The following PDZD2 variants were observed in gnomAD, a reference collection of about 807,000 sequenced individuals.
PDZD2 encodes the protein PDZ domain-containing protein 2.
In PDZD2, 90 loss-of-function variants were observed where a neutral mutation model predicts 220.7. That is an observed-to-expected ratio of 0.41 (90% confidence interval 0.34 to 0.49). The LOEUF (loss-of-function observed/expected upper bound fraction) is 0.49. Ranked by LOEUF, PDZD2 falls within the 20% of genes least tolerant of loss-of-function variation. PDZD2 has a pLI of 0.28. For missense variants in PDZD2, 3,174 were observed against 3,608.5 expected, an observed-to-expected ratio of 0.88 and a Z score of 3.08; for synonymous variants, 1,375 against 1,450.5, an observed-to-expected ratio of 0.95 and a Z score of 1.18.
chr5:31,688,903 T>C (rs1746979247), intron 1 of PDZD2, among the ~76,000 whole-genome samples: 1 of 152,142 alleles, frequency 6.6e-6, no homozygotes, highest in African/African-American at 2.4e-5. Context: ...TGGGGGTAAT[T>C]AGCATTTCCC....
intron 1 of PDZD2, among the ~76,000 whole-genome samples, chr5:31,764,099 C>G (rs552437631): frequency 6.6e-6 from 1 of 152,282 alleles, no homozygotes; most frequent in African/African-American, 2.4e-5. Context: ...TCAGGAGGAA[C>G]TCGGGGACTC....
At chr5:31,773,386 C>T (rs1752448065) in intron 1 of PDZD2, among the ~76,000 whole-genome samples, 1 of 152,160 alleles carries the variant, frequency 6.6e-6, no homozygotes, top group East Asian at 1.9e-4. Context: ...TGCCTGTAAT[C>T]CCAGCCCTTT....
chr5:31,685,562 C>T (rs1258275984), intron 1 of PDZD2, among the ~76,000 whole-genome samples: 3 of 152,146 alleles, frequency 2.0e-5, no homozygotes, highest in South Asian at 2.1e-4. Flanking sequence ...CTTACTCTGT[C>T]GCCCAGGCTG....
chr5:31,978,295 A>G (rs918810726), intron 2 of PDZD2, among the ~76,000 whole-genome samples: 2 of 152,140 alleles, frequency 1.3e-5, no homozygotes, highest in African/African-American at 4.8e-5. Context: ...AATGCTGGGT[A>G]AGGATCCTAC....
At chr5:31,788,092 C>G (rs1166681974) in intron 1 of PDZD2, among the ~76,000 whole-genome samples, 2 of 152,180 alleles carry the variant, frequency 1.3e-5, no homozygotes, top group Non-Finnish European at 2.9e-5. Flanking sequence ...TCTCCCAGGC[C>G]GGGCGCCGTG....
chr5:31,830,523 T>C (rs2077354105), intron 2 of PDZD2, among the ~76,000 whole-genome samples: 1 of 151,996 alleles, frequency 6.6e-6, no homozygotes, highest in South Asian at 2.1e-4. Flanking sequence ...ATATTCAACT[T>C]TTAAAAAATT....
intron 2 of PDZD2, chr5:31,822,808 G>T: frequency 1.1e-6 from 1 of 883,610 alleles, no homozygotes; most frequent in African/African-American, 1.7e-5. Flanking sequence ...TTCAACAGAA[G>T]ACCAATTCTC....
intron 24 of PDZD2, among the ~76,000 whole-genome samples, chr5:32,105,054 A>T (rs1423665981): frequency 6.6e-6 from 1 of 152,032 alleles, no homozygotes; most frequent in African/African-American, 2.4e-5. Context: ...GAATCATTTG[A>T]GCCCAGGAGG....
rs768240824 is a variant in PDZD2 at position 32,074,204 on chromosome 5, C to G, written c.3098C>G (p.Pro1033Arg). The G allele has an allele frequency of 2.0e-5, 32 of 1,614,102 alleles. No individual in the cohort carries two copies. The highest frequency in any genetic ancestry group is 2.6e-5 in the Non-Finnish European group (31 of 1,180,062). The change falls in exon 18 of 25, where the codon CCT becomes CGT. Residue 1033 changes from proline to arginine, a missense_variant. Transcript: ENST00000438447. The part of the protein sequence containing the change: ...KTLVSKAISA[P>R]LLGSSVDLEE... ...CTGGTGAGCAAGGCCATCTCGGCAC[C>G]TCTTCTTGGTAGCTCAGTGGACTTA...
chr5:31,781,007 C>A (rs1177089478), intron 1 of PDZD2, among the ~76,000 whole-genome samples: 1 of 152,230 alleles, frequency 6.6e-6, no homozygotes, highest in East Asian at 1.9e-4. Context: ...CCTGCTCATT[C>A]CTGAAACCCT....
At chr5:31,939,809 A>G (rs543702811) in intron 2 of PDZD2, among the ~76,000 whole-genome samples, 3 of 152,336 alleles carry the variant, frequency 2.0e-5, no homozygotes, top group African/African-American at 7.2e-5. Context: ...CTGGAATCAG[A>G]CATCTATTTA....
At chr5:31,738,184 C>T (rs1750021867) in intron 1 of PDZD2, 1 of 152,206 alleles carries the variant, frequency 6.6e-6, no homozygotes, top group South Asian at 2.1e-4. Flanking sequence ...CACATGGAGT[C>T]CTCAGCTTTA....
intron 21 of PDZD2, among the ~76,000 whole-genome samples, chr5:32,095,630 C>T (rs1269438019): frequency 6.7e-6 from 1 of 150,054 alleles, no homozygotes; most frequent in Non-Finnish European, 1.5e-5. Context: ...TCTAGCATAT[C>T]TGTGTCCTTA....
At chr5:31,807,456 A>G (rs926158215) in intron 2 of PDZD2, among the ~76,000 whole-genome samples, 16 of 152,194 alleles carry the variant, frequency 1.1e-4, no homozygotes, top group African/African-American at 3.6e-4. Flanking sequence ...GTAGCTGTTC[A>G]GCCAGAGGTA....
At chr5:31,739,735 G>A (rs1444724999) in intron 1 of PDZD2, among the ~76,000 whole-genome samples, 1 of 152,136 alleles carries the variant, frequency 6.6e-6, no homozygotes, top group Non-Finnish European at 1.5e-5. Flanking sequence ...GAAGAAACAT[G>A]GATGCCCTCT....
chr5:31,739,632 G>T (rs1292874313), intron 1 of PDZD2, among the ~76,000 whole-genome samples: 2 of 152,184 alleles, frequency 1.3e-5, no homozygotes, highest in Admixed American at 1.3e-4. Flanking sequence ...AGACACTATT[G>T]TAAGCCATGA....
At chr5:32,051,292 A>G (rs1350503046) in intron 8 of PDZD2, among the ~76,000 whole-genome samples, 5 of 152,082 alleles carry the variant, frequency 3.3e-5, no homozygotes, top group Non-Finnish European at 4.4e-5. Flanking sequence ...CCAAGCCCAC[A>G]TCATTTTTTT....
chr5:31,837,606 C>T (rs1429904901), intron 2 of PDZD2, among the ~76,000 whole-genome samples: 1 of 152,116 alleles, frequency 6.6e-6, no homozygotes, highest in East Asian at 1.9e-4. Flanking sequence ...TGCCTGTAAT[C>T]CGAGCTACTC....
rs1745185233 is a variant in PDZD2, at chr5:31,647,667, G to C, written c.-361+8230G>C. Among the ~76,000 whole-genome samples, 5 of 152,178 alleles carry C rather than the reference G, an allele frequency of 3.3e-5. No homozygotes were observed. In the South Asian group the frequency reaches 1.0e-3, roughly 32 times the overall value. ...ATAAGGACATTTGTCATTGGAGTTA[G>C]GGCTACCCAAATAATTCAGGATGAT... On this transcript the variant is annotated intron_variant, in intron 1 of 24. Transcript: ENST00000438447.
Sources: allele counts gnomAD v4.1 joint callset (sites outside exome capture counted in the v4.1 genomes callset), GRCh38; gene constraint gnomAD v4.1.1; transcripts MANE v1.5; gene names NCBI Gene and HGNC (gene_info 2026-07-23, HGNC 2026-07-21).